The following GPR26 variants were observed in gnomAD, a reference collection of about 807,000 sequenced individuals.
The protein encoded by GPR26 is G protein-coupled receptor 26.
GPR26 carries 15 observed loss-of-function variants against 23.1 expected under a neutral mutation model. The ratio of observed to expected loss-of-function variants is 0.65; its 90% CI spans 0.43 to 1.00. GPR26 has a LOEUF of 1.00. GPR26 is among the 50% of genes least tolerant of loss of function. GPR26 has a pLI of 0.00. For missense variants in GPR26, 359 were observed against 470.5 expected, an observed-to-expected ratio of 0.76 and a Z score of 2.19; for synonymous variants, 228 against 222.1, an observed-to-expected ratio of 1.03 and a Z score of -0.24.
chr10:123,668,875 T>C (rs1196131443), intron 1 of GPR26, among the ~76,000 whole-genome samples: 1 of 152,230 alleles, frequency 6.6e-6, no homozygotes, highest in Non-Finnish European at 1.5e-5. Flanking sequence ...ATTCCCACTC[T>C]TCCTCCAACT....
At position 123,671,652 on chromosome 10, in the gene GPR26, TG is replaced by T. The variant is rs1589923830; in HGVS notation, c.669-3163del. On this transcript the variant is annotated intron_variant, in intron 1 of 2. Transcript: ENST00000284674. ...ATTCTGCCTGCAGGTCTGAGGACTC[TG>T]GGTACCACCACCAGGCCCAGGGATG... Among the ~76,000 whole-genome samples, 3 of 152,268 alleles carry T rather than the reference TG, an allele frequency of 2.0e-5. No individual in the cohort carries two copies. The East Asian group carries it at 5.8e-4, about 29-fold the overall frequency.
intron 1 of GPR26, among the ~76,000 whole-genome samples, chr10:123,672,918 C>T (rs1482094182): frequency 6.6e-6 from 1 of 152,120 alleles, no homozygotes; most frequent in African/African-American, 2.4e-5. Context: ...TATATCTTCT[C>T]ATCTGAAAAA....
intron 2 of GPR26, among the ~76,000 whole-genome samples, chr10:123,678,299 A>C (rs1589926953): frequency 6.7e-6 from 1 of 150,320 alleles, no homozygotes; most frequent in Non-Finnish European, 1.5e-5. Flanking sequence ...CCTTCTCCCC[A>C]CCCCTCCTCC....
In GPR26 at chr10:123,696,230, G is replaced by A. The variant is rs781505666; in HGVS notation, c.*8070G>A. Among the ~76,000 whole-genome samples the A allele has an allele frequency of 2.0e-5, 3 of 152,118 alleles. No homozygotes were observed. The highest frequency in any genetic ancestry group is 1.3e-4 in the Admixed American group (2 of 15,262). On this transcript the variant is annotated 3_prime_UTR_variant, in exon 3 of 3. Coordinates refer to ENST00000284674, the MANE Select transcript of GPR26 (RefSeq NM_153442.4). ...CTTCTTCATGGAACACACTCATTTC[G>A]CCACACGGAGGCTTTACTCTGCCCA...
rs140128349 is a variant in GPR26, at chr10:123,685,559, T to C, written c.783-2370T>C. On this transcript the variant is annotated intron_variant, in intron 2 of 2. Coordinates refer to ENST00000284674, the MANE Select transcript of GPR26 (RefSeq NM_153442.4). ...TCCAGGCCTGTATTCAGCCAAAGCATCTCTTTGCTTGGAGGCCCTGATAAA... is the reference window on the plus strand; with the variant it reads ...TCCAGGCCTGTATTCAGCCAAAGCACCTCTTTGCTTGGAGGCCCTGATAAA... Among the ~76,000 whole-genome samples, 1,034 of 152,316 alleles carry C rather than the reference T, an allele frequency of 6.8e-3. 6 individuals are homozygous for C. The highest frequency in any genetic ancestry group is 0.023 in the African/African-American group (968 of 41,566).
At chr10:123,670,544 A>AG (rs1845237921) in intron 1 of GPR26, among the ~76,000 whole-genome samples, 1 of 152,206 alleles carries the variant, frequency 6.6e-6, no homozygotes, top group East Asian at 1.9e-4. Flanking sequence ...ATGACCGGCA[A>AG]GGCTGGGTTC....
chr10:123,683,609 G>A (rs1271757435), intron 2 of GPR26, among the ~76,000 whole-genome samples: 1 of 152,208 alleles, frequency 6.6e-6, no homozygotes, highest in Non-Finnish European at 1.5e-5. Flanking sequence ...GGGTGGGAAT[G>A]TGAGGTCCCC....
At chr10:123,673,586 C>T (rs1845274356) in intron 1 of GPR26, among the ~76,000 whole-genome samples, 1 of 152,208 alleles carries the variant, frequency 6.6e-6, no homozygotes, top group African/African-American at 2.4e-5. Flanking sequence ...ATTCCATCCT[C>T]AAAGCTATGT....
At chr10:123,683,430 GC>G (rs1394135017) in intron 2 of GPR26, among the ~76,000 whole-genome samples, 1 of 152,258 alleles carries the variant, frequency 6.6e-6, no homozygotes, top group Non-Finnish European at 1.5e-5. Context: ...TGGGTCAGGG[GC>G]TGCAGGGGTT....
chr10:123,680,546 G>T (rs1275132486), intron 2 of GPR26, among the ~76,000 whole-genome samples: 1 of 152,204 alleles, frequency 6.6e-6, no homozygotes, highest in African/African-American at 2.4e-5. Context: ...TGGGCAGAAG[G>T]ATGTCTCCCT....
chr10:123,677,257 G>T (rs1200879274), intron 2 of GPR26, among the ~76,000 whole-genome samples: 2 of 152,100 alleles, frequency 1.3e-5, no homozygotes, highest in East Asian at 3.8e-4. Context: ...GATGATGATG[G>T]ATTACAACTC....
In GPR26 at chr10:123,686,216, A is replaced by G. The variant is rs1426226327; in HGVS notation, c.783-1713A>G. Among the ~76,000 whole-genome samples the G allele has an allele frequency of 2.0e-5, 3 of 152,250 alleles. No individual in the cohort carries two copies. The South Asian group carries it at 6.2e-4, about 32-fold the overall frequency. Reference sequence around the variant, plus strand: ...TGAATTTAGCAAGGTATAAAAAACTATAGACATTTTGAAAAAGCAATTTGG... The same window carrying G: ...TGAATTTAGCAAGGTATAAAAAACTGTAGACATTTTGAAAAAGCAATTTGG... On this transcript the variant is annotated intron_variant, in intron 2 of 2. Transcript: ENST00000284674.
chr10:123,684,571 A>T (rs1281753001), intron 2 of GPR26, among the ~76,000 whole-genome samples: 7 of 152,202 alleles, frequency 4.6e-5, no homozygotes, highest in African/African-American at 1.7e-4. Context: ...GAGGGTTGTG[A>T]AGAAGAGCTC....
chr10:123,688,702 G>T lies in GPR26; in HGVS notation c.*542G>T, dbSNP rs971142622. 6.3e-6 allele frequency: 1 copy of T among 158,690 alleles called. No individual in the cohort carries two copies. Among genetic ancestry groups the T allele is most frequent in the Non-Finnish European group, 1.4e-5 (1 of 71,650 alleles). The allele number at this position is 158,690 out of a possible 1,614,324, so 9.8% of individuals were successfully genotyped here. ...ATTCAGCTGGTACTAACGACATTGT[G>T]CCCAGCTGGGACTCTTGGGCTCTGT... On this transcript the variant is annotated 3_prime_UTR_variant, in exon 3 of 3. Transcript: ENST00000284674.
intron 2 of GPR26, among the ~76,000 whole-genome samples, chr10:123,681,988 G>A (rs1382792326): frequency 2.0e-5 from 3 of 152,184 alleles, no homozygotes; most frequent in African/African-American, 4.8e-5. Context: ...ACTGAGCCAA[G>A]AGTTAAAGGT....
chr10:123,679,191 C>T (rs1395923176), intron 2 of GPR26, among the ~76,000 whole-genome samples: 1 of 152,182 alleles, frequency 6.6e-6, no homozygotes, highest in Non-Finnish European at 1.5e-5. Context: ...GAATCAAAAG[C>T]CATGGGTTTT....
rs993285623 is a variant in GPR26, at chr10:123,696,416, G to A, written c.*8256G>A. 6.6e-6 allele frequency among the ~76,000 whole-genome samples: 1 copy of A among 152,110 alleles called. No homozygotes were observed. The highest frequency in any genetic ancestry group is 2.4e-5 in the African/African-American group (1 of 41,410). On this transcript the variant is annotated 3_prime_UTR_variant, in exon 3 of 3. Transcript: ENST00000284674. Reference sequence around the variant, plus strand: ...TCTATTTTTTTCATGTCTGTGAAAAGTGGGGTGGGGAACTCACACCAACCA... The same window carrying A: ...TCTATTTTTTTCATGTCTGTGAAAAATGGGGTGGGGAACTCACACCAACCA...
chr10:123,680,827 T>TGGG (rs71026068), intron 2 of GPR26, among the ~76,000 whole-genome samples: 1 of 95,704 alleles, frequency 1.0e-5, no homozygotes, highest in Non-Finnish European at 2.0e-5. Context: ...TTTGTTTTTT[T>TGGG]GGGGGGGGGG....
At position 123,692,326 on chromosome 10, in the gene GPR26, A is replaced by T. The variant is rs1051739333; in HGVS notation, c.*4166A>T. ...ACATCTGCCACCTCTGCCACTACCC[A>T]GAGCTTGTCCTGCCCTCTTCCCAGC... On this transcript the variant is annotated 3_prime_UTR_variant, in exon 3 of 3. Coordinates refer to ENST00000284674, the MANE Select transcript of GPR26 (RefSeq NM_153442.4). 1 of 152,326 alleles carries T rather than the reference A, an allele frequency of 6.6e-6. No individual in the cohort carries two copies. Among genetic ancestry groups the T allele is most frequent in the Non-Finnish European group, 1.5e-5 (1 of 68,126 alleles). The allele number at this position is 152,326 out of a possible 1,614,324, so 9.4% of individuals were successfully genotyped here.
Sources: allele counts gnomAD v4.1 joint callset (sites outside exome capture counted in the v4.1 genomes callset), GRCh38; gene constraint gnomAD v4.1.1; transcripts MANE v1.5; gene names NCBI Gene and HGNC (gene_info 2026-07-23, HGNC 2026-07-21).